Variants in POLR1D observed in about 807,000 individuals in gnomAD.
POLR1D encodes the protein DNA-directed RNA polymerases I and III subunit RPAC2.
A neutral mutation model predicts 10.8 loss-of-function variants in POLR1D; 8 were observed. The ratio of observed to expected loss-of-function variants is 0.74; its 90% CI spans 0.43 to 1.33. The LOEUF (loss-of-function observed/expected upper bound fraction) is 1.33, where lower values mean the gene tolerates loss of function less well. Ranked by LOEUF, POLR1D falls within the 40% of genes most tolerant of loss-of-function variation. The pLI, the probability that POLR1D is intolerant of heterozygous loss-of-function variation, is 0.01. For missense variants in POLR1D, 152 were observed against 161.7 expected (o/e 0.94, Z 0.32); for synonymous variants, 54 against 57.2 (o/e 0.94, Z 0.25).
intron 1 of POLR1D, among the ~76,000 whole-genome samples, chr13:27,632,403 C>G (rs1243600866): frequency 2.0e-5 from 3 of 152,216 alleles, no homozygotes; most frequent in African/African-American, 7.2e-5. Context: ...TCTCGTAAAT[C>G]TATGCCATTT....
intron 1 of POLR1D, among the ~76,000 whole-genome samples, chr13:27,647,077 A>T (rs1956227827): frequency 6.6e-6 from 1 of 152,118 alleles, no homozygotes; most frequent in African/African-American, 2.4e-5. Flanking sequence ...TTTGGACTAT[A>T]TTTGTTTATA....
At chr13:27,626,148 A>G (rs577185370), downstream of POLR1D, among the ~76,000 whole-genome samples, 2 of 152,192 alleles carry the variant, frequency 1.3e-5, no homozygotes, top group African/African-American at 4.8e-5. Context: ...AGGATTAAAA[A>G]CTTTTTTCCT....
chr13:27,624,000 G>T (rs1441678294), downstream of POLR1D, among the ~76,000 whole-genome samples: 2 of 152,124 alleles, frequency 1.3e-5, no homozygotes, highest in Non-Finnish European at 2.9e-5. Flanking sequence ...TATAGCCTAG[G>T]GTAATGTAGA....
intron 1 of POLR1D, among the ~76,000 whole-genome samples, chr13:27,635,414 TAG>T (rs996136129): frequency 6.6e-6 from 1 of 152,002 alleles, no homozygotes; most frequent in Non-Finnish European, 1.5e-5. Flanking sequence ...AGCTCTGGGG[TAG>T]AGTCAGCTGT....
In POLR1D at chr13:27,635,729, TACACAC is replaced by T. The variant is rs1275030476; in HGVS notation, c.27-12648_27-12643del. ...ATATATATATATATATATATATACATACACACATATATATATATAAATTGTATTTAA... is the reference window on the plus strand; with the variant it reads ...ATATATATATATATATATATATACATATATATATATATAAATTGTATTTAA... On this transcript the variant is annotated intron_variant, in intron 1 of 2. Transcript: ENST00000399697. Among the ~76,000 whole-genome samples the T allele has an allele frequency of 5.0e-5, 6 of 119,852 alleles. No individual in the cohort carries two copies. In the East Asian group the frequency reaches 1.4e-3, roughly 29 times the overall value. 78.6% of individuals were successfully genotyped at this position (119,852 alleles called of 152,430 possible). A position where few individuals can be genotyped will look rare whatever the true frequency, so the allele number is the denominator to read the frequency against.
chr13:27,636,129 A>G (rs1448656654), intron 1 of POLR1D, among the ~76,000 whole-genome samples: 3 of 152,204 alleles, frequency 2.0e-5, no homozygotes, highest in Non-Finnish European at 4.4e-5. Context: ...GCATTGGGAT[A>G]GTGTTAGTGT....
chr13:27,624,332 T>C (rs971706608), downstream of POLR1D, among the ~76,000 whole-genome samples: 1 of 152,206 alleles, frequency 6.6e-6, no homozygotes, highest in African/African-American at 2.4e-5. Context: ...ATGATTCTGG[T>C]ACCTGGAACA....
At chr13:27,643,025 A>G (rs1956189343) in intron 1 of POLR1D, among the ~76,000 whole-genome samples, 1 of 152,042 alleles carries the variant, frequency 6.6e-6, no homozygotes, top group African/African-American at 2.4e-5. Flanking sequence ...ACCTTTTCTC[A>G]TGACTTTCTG....
At chr13:27,646,808 A>G (rs1956224998) in intron 1 of POLR1D, among the ~76,000 whole-genome samples, 1 of 152,346 alleles carries the variant, frequency 6.6e-6, no homozygotes, top group African/African-American at 2.4e-5. Flanking sequence ...TGGGTAGGGC[A>G]GGATAATTTA....
chr13:27,666,879 C>T (rs1465735619), exon 3 of POLR1D: 2 of 152,174 alleles, frequency 1.3e-5, no homozygotes, highest in African/African-American at 2.4e-5. Flanking sequence ...AAGCACCCTC[C>T]TCCCCAGTTC....
exon 3 of POLR1D, chr13:27,667,344 A>G (rs191139984): frequency 6.6e-6 from 1 of 152,268 alleles, no homozygotes; most frequent in Non-Finnish European, 1.5e-5. Flanking sequence ...AAATATTAGA[A>G]ATAGCACAAA....
At chr13:27,647,379 T>A (rs937464858) in intron 1 of POLR1D, among the ~76,000 whole-genome samples, 7 of 151,196 alleles carry the variant, frequency 4.6e-5, no homozygotes, top group African/African-American at 1.7e-4. Context: ...TCCAAATTTT[T>A]TTATTATTAT....
chr13:27,631,454 T>C (rs1160135959), intron 1 of POLR1D, among the ~76,000 whole-genome samples: 2 of 152,144 alleles, frequency 1.3e-5, no homozygotes, highest in Non-Finnish European at 2.9e-5. Context: ...CAGCCCACAC[T>C]TGAGAGCGAG....
At chr13:27,652,921 T>C (rs929758194) in intron 2 of POLR1D, among the ~76,000 whole-genome samples, 17 of 138,704 alleles carry the variant, frequency 1.2e-4, no homozygotes, top group South Asian at 2.4e-4. Context: ...CTTTTTTTTT[T>C]TTTTTTTTTT....
chr13:27,664,299 T>C (rs546492385), intron 2 of POLR1D, among the ~76,000 whole-genome samples: 239 of 152,308 alleles, frequency 1.6e-3, no homozygotes, highest in South Asian at 3.5e-3. Flanking sequence ...GCAGAACTGT[T>C]TTTTCTTTGT....
chr13:27,641,764 A>AG (rs1273836592), intron 1 of POLR1D, among the ~76,000 whole-genome samples: 1 of 152,168 alleles, frequency 6.6e-6, no homozygotes, highest in African/African-American at 2.4e-5. Context: ...GGCTTGGTGG[A>AG]GAGGTAATGT....
At chr13:27,627,730 T>A (rs1018847237), downstream of POLR1D, among the ~76,000 whole-genome samples, 1 of 111,870 alleles carries the variant, frequency 8.9e-6, no homozygotes, top group Non-Finnish European at 2.0e-5. Flanking sequence ...AGTTTTAGTT[T>A]TTTTTTTTTT....
chr13:27,637,793 TA>T (rs1314990867), intron 1 of POLR1D, among the ~76,000 whole-genome samples: 10 of 150,930 alleles, frequency 6.6e-5, no homozygotes, highest in South Asian at 2.1e-4. Context: ...TTTAATACAT[TA>T]AAAAAAATTT....
downstream of POLR1D, among the ~76,000 whole-genome samples, chr13:27,625,883 T>C (rs1593277300): frequency 6.6e-6 from 1 of 152,272 alleles, no homozygotes; most frequent in Middle Eastern, 3.4e-3. Context: ...CACTAGGCAG[T>C]AACAGCATTA....
Sources: gnomAD v4.1 joint callset for allele counts (sites outside exome capture counted in the v4.1 genomes callset) on GRCh38, gnomAD v4.1.1 for gene constraint, MANE v1.5 for transcripts, NCBI Gene and HGNC (gene_info 2026-07-23, HGNC 2026-07-21) for gene names.